RXRA: variants seen among roughly 807,000 people sequenced by gnomAD.
The protein encoded by RXRA is retinoic acid receptor RXR-alpha.
Under a neutral mutation model 44.5 loss-of-function variants are expected in RXRA, and 5 were observed. That is an observed-to-expected ratio of 0.11 (90% CI 0.06 to 0.24). The LOEUF (loss-of-function observed/expected upper bound fraction) is 0.24, where lower values mean the gene tolerates loss of function less well. Ranked by LOEUF, RXRA falls within the 10% of genes least tolerant of loss-of-function variation. The probability of loss-of-function intolerance (pLI) is 1.00; values close to 1 mark genes in which losing one functional copy is unlikely to be tolerated. For missense variants in RXRA, 412 were observed against 646.5 expected, an observed-to-expected ratio of 0.64 and a Z score of 3.93; for synonymous variants, 291 against 271.4, an observed-to-expected ratio of 1.07 and a Z score of -0.71.
At position 134,425,839 on chromosome 9, in the gene RXRA, G is replaced by C. The variant is rs1215735425; in HGVS notation, c.911-3269G>C. 6 of 985,230 alleles carry C rather than the reference G, an allele frequency of 6.1e-6. No individual in the cohort carries two copies. The African/African-American group carries it at 1.0e-4, about 17-fold the overall frequency. The allele number at this position is 985,230 out of a possible 1,614,324, so 61.0% of individuals were successfully genotyped here. A position where few individuals can be genotyped will look rare whatever the true frequency, so the allele number is the denominator to read the frequency against. Reference sequence around the variant, plus strand: ...GGGGGGGCCCTGCCCTGCCTTGTGAGTGTGGACTCATTTAACTCTCCAGAC... The same window carrying C: ...GGGGGGGCCCTGCCCTGCCTTGTGACTGTGGACTCATTTAACTCTCCAGAC... On this transcript the variant is annotated intron_variant, in intron 6 of 9. Transcript: ENST00000481739.
chr9:134,341,384 G>C (rs75043682), intron 1 of RXRA, among the ~76,000 whole-genome samples: 3 of 152,150 alleles, frequency 2.0e-5, no homozygotes, highest in Admixed American at 1.3e-4. Flanking sequence ...CTGCTAGGGT[G>C]GGGGGACATT....
At position 134,344,646 on chromosome 9, in the gene RXRA, C is replaced by T. The variant is rs540432006; in HGVS notation, c.28+17987C>T. Among the ~76,000 whole-genome samples, 120 of 152,304 alleles carry T rather than the reference C, an allele frequency of 7.9e-4. 1 individual carries two copies. The South Asian group carries it at 0.023, about 29-fold the overall frequency. ...CTCTGAGAACTGTGCTTCTCTGCTG[C>T]GTAGCGCCCTCTGTGGCTCCCCAGG... On this transcript the variant is annotated intron_variant, in intron 1 of 9. Transcript: ENST00000481739.
rs1207759384 is a variant in RXRA, at chr9:134,380,796, GGCC to G, written c.29-20835_29-20833del. 2.6e-5 allele frequency among the ~76,000 whole-genome samples: 4 copies of G among 152,228 alleles called. No individual in the cohort carries two copies. The South Asian group carries it at 6.2e-4, about 24-fold the overall frequency. On this transcript the variant is annotated intron_variant, in intron 1 of 9. Transcript: ENST00000481739. The stretch of plus-strand genomic sequence containing the variant: ...GGCCGAGGTCTGAGGCCAGAGGAAA[GGCC>G]TCCTCCAGAATCCAGGGCTGCCCGT...
intron 1 of RXRA, among the ~76,000 whole-genome samples, chr9:134,327,809 C>T (rs1381033632): frequency 6.6e-6 from 1 of 152,188 alleles, no homozygotes; most frequent in South Asian, 2.1e-4. Flanking sequence ...CTGCTACTCA[C>T]AGGCAGGTGT....
At position 134,429,198 on chromosome 9, in the gene RXRA, G is replaced by A; in HGVS notation, c.1001G>A (p.Arg334Gln). The change falls in exon 7 of 10, where the codon CGG becomes CAG. Residue 334 changes from arginine to glutamine, a missense_variant. Coordinates refer to ENST00000481739, the MANE Select transcript of RXRA (RefSeq NM_002957.6). ...ILLATGLHVH[R>Q]NSAHSAGVGA... ...CTGGCCACCGGGCTGCACGTCCACCGGAACAGCGCCCACAGCGCAGGGGTG... is the reference window on the plus strand; with the variant it reads ...CTGGCCACCGGGCTGCACGTCCACCAGAACAGCGCCCACAGCGCAGGGGTG... 13 of 1,612,924 alleles carry A rather than the reference G, an allele frequency of 8.1e-6. No individual in the cohort carries two copies. Among genetic ancestry groups the A allele is most frequent in the Non-Finnish European group, 9.3e-6 (11 of 1,179,948 alleles).
At position 134,417,092 on chromosome 9, in the gene RXRA, A is replaced by G. The variant is rs1269949662; in HGVS notation, c.611-66A>G. ...TGGGAGCTGGCACCACCCGGCCAGGACAGCCTTCCCTGGGAGCCACTGGCC... is the reference window on the plus strand; with the variant it reads ...TGGGAGCTGGCACCACCCGGCCAGGGCAGCCTTCCCTGGGAGCCACTGGCC... On this transcript the variant is annotated intron_variant, in intron 4 of 9. Coordinates refer to ENST00000481739, the MANE Select transcript of RXRA (RefSeq NM_002957.6). The surrounding 1 kb of genome is among the most constrained non-coding windows in gnomAD (Gnocchi z 6.1). 2.6e-6 allele frequency: 4 copies of G among 1,527,090 alleles called. No individual in the cohort carries two copies. The African/African-American group carries it at 5.4e-5, about 21-fold the overall frequency. 94.6% of individuals were successfully genotyped at this position (1,527,090 alleles called of 1,614,324 possible).
intron 1 of RXRA, among the ~76,000 whole-genome samples, chr9:134,359,696 A>G (rs571379328): frequency 1.4e-5 from 2 of 145,106 alleles, no homozygotes; most frequent in African/African-American, 2.5e-5. Flanking sequence ...GGCTGAGGGC[A>G]GGGGAAGCGT....
rs1310019136 is a variant in RXRA, at chr9:134,366,268, G to A, written c.29-35364G>A. Among the ~76,000 whole-genome samples, 3 of 152,112 alleles carry A rather than the reference G, an allele frequency of 2.0e-5. No homozygotes were observed. The highest frequency in any genetic ancestry group is 4.4e-5 in the Non-Finnish European group (3 of 67,998). ...AGGTGCCCGCTGGGTGGTCTCCCAT[G>A]TGTGCCCAGGAGGAGTGCCACAGCC... On this transcript the variant is annotated intron_variant, in intron 1 of 9. Coordinates refer to ENST00000481739, the MANE Select transcript of RXRA (RefSeq NM_002957.6). This position sits in a 1 kb window ranked among gnomAD's most constrained non-coding sequence, Gnocchi z 5.9.
At chr9:134,340,236 T>C (rs1373561514) in intron 1 of RXRA, among the ~76,000 whole-genome samples, 1 of 152,168 alleles carries the variant, frequency 6.6e-6, no homozygotes, top group East Asian at 1.9e-4. Context: ...TCCGGCTCCC[T>C]CCTTAGCTAA....
chr9:134,339,861 GTGTGTC>G (rs1830064918), intron 1 of RXRA, among the ~76,000 whole-genome samples: 1 of 149,006 alleles, frequency 6.7e-6, no homozygotes, highest in Non-Finnish European at 1.5e-5. Flanking sequence ...GCCCATGTGT[GTGTGTC>G]TGTGAACATC....
chr9:134,364,024 C>G (rs1830385215), intron 1 of RXRA, among the ~76,000 whole-genome samples: 2 of 152,208 alleles, frequency 1.3e-5, no homozygotes, highest in Admixed American at 6.5e-5. Flanking sequence ...GCCCCTCCTT[C>G]AGCCCATGTT....
At chr9:134,358,181 A>G (rs1830305218) in intron 1 of RXRA, among the ~76,000 whole-genome samples, 1 of 152,234 alleles carries the variant, frequency 6.6e-6, no homozygotes, top group Non-Finnish European at 1.5e-5. Flanking sequence ...GAGCCCGTGC[A>G]GGACAGAGTG....
intron 5 of RXRA, among the ~76,000 whole-genome samples, chr9:134,419,462 C>T (rs563765744): frequency 3.9e-5 from 6 of 152,306 alleles, no homozygotes; most frequent in Non-Finnish European, 8.8e-5. Context: ...CCTGCTCTGT[C>T]TCATCTCACA....
Position 134,342,109 on chromosome 9 carries a change from G to A in RXRA, c.28+15450G>A, listed in dbSNP as rs1317517724. Reference sequence around the variant, plus strand: ...AATGAGGAGGCGTCTCCCTGAAGGCGCTCTGCTGGGCCCGGGGTGGGGGCT... The same window carrying A: ...AATGAGGAGGCGTCTCCCTGAAGGCACTCTGCTGGGCCCGGGGTGGGGGCT... On this transcript the variant is annotated intron_variant, in intron 1 of 9. Transcript: ENST00000481739. This position sits in a 1 kb window ranked among gnomAD's most constrained non-coding sequence, Gnocchi z 4.4. 2.6e-5 allele frequency among the ~76,000 whole-genome samples: 4 copies of A among 152,200 alleles called. No homozygotes were observed. The highest frequency in any genetic ancestry group is 7.2e-5 in the African/African-American group (3 of 41,450).
At chr9:134,383,390 G>C (rs1211452354) in intron 1 of RXRA, among the ~76,000 whole-genome samples, 3 of 152,168 alleles carry the variant, frequency 2.0e-5, no homozygotes, top group Admixed American at 2.0e-4. Flanking sequence ...AGGTCAGTCT[G>C]TGCTGGCTCT....
chr9:134,400,741 C>T (rs552453347), intron 1 of RXRA, among the ~76,000 whole-genome samples: 22 of 152,306 alleles, frequency 1.4e-4, no homozygotes, highest in Non-Finnish European at 2.4e-4. Context: ...ATTTCAAAGG[C>T]GGGAGTGTGG....
intron 1 of RXRA, among the ~76,000 whole-genome samples, chr9:134,363,760 C>T (rs1830381668): frequency 2.0e-5 from 3 of 152,180 alleles, no homozygotes; most frequent in African/African-American, 4.8e-5. Flanking sequence ...AGGCCCAGGC[C>T]GCCCTGAGCA....
chr9:134,424,548 C>T (rs1390049279), intron 6 of RXRA: 1 of 985,270 alleles, frequency 1.0e-6, no homozygotes. Context: ...AGCAGCTGAC[C>T]TTGGCTGAGT....
At position 134,388,892 on chromosome 9, in the gene RXRA, G is replaced by T. The variant is rs149375965; in HGVS notation, c.29-12740G>T. 5.0e-3 allele frequency among the ~76,000 whole-genome samples: 766 copies of T among 152,286 alleles called. 8 individuals are homozygous for T. The highest frequency in any genetic ancestry group is 0.017 in the African/African-American group (726 of 41,564). On this transcript the variant is annotated intron_variant, in intron 1 of 9. Transcript: ENST00000481739. ...GGACAGAGCCCCCTCCCTGCTTGGT[G>T]GGGGCTGCTGCTTGACGGACTGGGT...
Sources: gnomAD v4.1 joint callset for allele counts (sites outside exome capture counted in the v4.1 genomes callset) on GRCh38, gnomAD v4.1.1 for gene constraint, Gnocchi (gnomAD v3.1) non-coding constraint, MANE v1.5 for transcripts, NCBI Gene and HGNC (gene_info 2026-07-23, HGNC 2026-07-21) for gene names.